ETV6: variants seen among roughly 807,000 people sequenced by gnomAD.
ETV6 encodes the protein ETS variant transcription factor 6, also known as transcription factor ETV6.
Under a neutral mutation model 51.1 loss-of-function variants are expected in ETV6, and 16 were observed. That is an observed-to-expected ratio of 0.31 (90% confidence interval 0.21 to 0.48). The LOEUF is 0.48. Among genes scored for constraint, ETV6 ranks in the 20% least tolerant of loss-of-function variants. ETV6 has a pLI of 0.99. For synonymous variants in ETV6, 240 were observed against 224.1 expected, an observed-to-expected ratio of 1.07 and a Z score of -0.64; for missense variants, 458 against 594.8, an observed-to-expected ratio of 0.77 and a Z score of 2.39.
At chr12:11,836,060 T>A (rs1302749011) in intron 2 of ETV6, among the ~76,000 whole-genome samples, 130 of 152,204 alleles carry the variant, frequency 8.5e-4, no homozygotes, top group Non-Finnish European at 2.1e-4. Context: ...GCTTAGTAAA[T>A]GACTATTAAG....
chr12:11,853,709 T>C, intron 4 of ETV6, 148 bp downstream of exon 4: 1 of 902,430 alleles, frequency 1.1e-6, no homozygotes, highest in South Asian at 1.7e-5. Flanking sequence ...CAAAATACAC[T>C]CTTGGTTCCC....
At chr12:11,722,977 G>A (rs1463724215) in intron 1 of ETV6, among the ~76,000 whole-genome samples, 2 of 152,140 alleles carry the variant, frequency 1.3e-5, no homozygotes, top group East Asian at 1.9e-4. Flanking sequence ...AGAAGTTCCC[G>A]GTTCCAGGGA....
chr12:11,789,461 C>T (rs1348803586), intron 2 of ETV6, among the ~76,000 whole-genome samples: 33 of 152,174 alleles, frequency 2.2e-4, no homozygotes, highest in Admixed American at 2.1e-3. Flanking sequence ...CTACCTGCTT[C>T]GGTCTGGGCT....
chr12:11,890,775 G>C (rs1176670750), intron 7 of ETV6, among the ~76,000 whole-genome samples, 166 bp from the exon 8 acceptor site: 3 of 152,038 alleles, frequency 2.0e-5, no homozygotes, highest in African/African-American at 4.8e-5. Flanking sequence ...TCAGAGAAAG[G>C]AGTACCTTTT....
chr12:11,884,249 G>A (rs1947152733), intron 5 of ETV6, among the ~76,000 whole-genome samples, 196 bp from the exon 6 acceptor site: 1 of 152,172 alleles, frequency 6.6e-6, no homozygotes, highest in African/African-American at 2.4e-5. Context: ...CCTCCGGTGG[G>A]TCAAAGGTCA....
At chr12:11,797,230 C>T (rs138312811) in intron 2 of ETV6, among the ~76,000 whole-genome samples, 351 of 152,048 alleles carry the variant, frequency 2.3e-3, no homozygotes, top group African/African-American at 8.0e-3. Context: ...GCAATAGTCC[C>T]GGCACTGGGA....
chr12:11,719,876 C>T (rs554650046), intron 1 of ETV6, among the ~76,000 whole-genome samples: 4 of 152,316 alleles, frequency 2.6e-5, no homozygotes, highest in South Asian at 4.1e-4. Flanking sequence ...AGATAGGAAG[C>T]GGTCCTGTGG....
chr12:11,848,318 G>T (rs2283337), intron 3 of ETV6, among the ~76,000 whole-genome samples: 5 of 151,986 alleles, frequency 3.3e-5, no homozygotes, highest in African/African-American at 1.2e-4. Flanking sequence ...AGCTGACAAA[G>T]AGAGGAACAA....
intron 2 of ETV6, among the ~76,000 whole-genome samples, chr12:11,795,308 C>A (rs915689187): frequency 6.6e-6 from 1 of 152,238 alleles, no homozygotes; most frequent in Non-Finnish European, 1.5e-5. Flanking sequence ...TCTGTCAGTC[C>A]GCTGGTGGCC....
At chr12:11,751,380 T>C in intron 1 of ETV6, 1 of 519,056 alleles carries the variant, frequency 1.9e-6, no homozygotes, top group Non-Finnish European at 3.8e-6. Context: ...GGTCTTTCCT[T>C]TCCACCATAT....
chr12:11,875,954 C>T (rs1388312885), intron 5 of ETV6, among the ~76,000 whole-genome samples: 2 of 152,304 alleles, frequency 1.3e-5, no homozygotes, highest in East Asian at 3.9e-4. Flanking sequence ...TGGCCCTTTA[C>T]AGAAAACGTT....
At chr12:11,739,359 T>C (rs981102878) in intron 1 of ETV6, among the ~76,000 whole-genome samples, 1 of 152,220 alleles carries the variant, frequency 6.6e-6, no homozygotes, top group African/African-American at 2.4e-5. Context: ...CACTCATCCC[T>C]GTGAGGTGCT....
chr12:11,817,207 A>G lies in ETV6; in HGVS notation c.164-21933A>G, dbSNP rs1382034410. 2.0e-5 allele frequency among the ~76,000 whole-genome samples: 3 copies of G among 152,228 alleles called. 1 individual carries two copies. Among genetic ancestry groups the G allele is most frequent in the Non-Finnish European group, 1.5e-5 (1 of 68,040 alleles). On this transcript the variant is annotated intron_variant, in intron 2 of 7. Coordinates refer to ENST00000396373, the MANE Select transcript of ETV6 (RefSeq NM_001987.5). ...ATATCCACCCTCCAGAGCTGTTATG[A>G]AGATGAAATTGAAAGTGTCTCCAAC...
chr12:11,894,607 A>T lies in ETV6; in HGVS notation c.*3561A>T, dbSNP rs1389810100. ...ATACTGATCTCTTGTCCAAATGAGAATGTCGCTTTAGCTGAAATTCAAATG... is the reference window on the plus strand; with the variant it reads ...ATACTGATCTCTTGTCCAAATGAGATTGTCGCTTTAGCTGAAATTCAAATG... On this transcript the variant is annotated 3_prime_UTR_variant, in exon 8 of 8. Coordinates refer to ENST00000396373, the MANE Select transcript of ETV6 (RefSeq NM_001987.5). 1 of 233,162 alleles carries T rather than the reference A, an allele frequency of 4.3e-6. No homozygotes were observed. The highest frequency in any genetic ancestry group is 8.5e-6 in the Non-Finnish European group (1 of 118,044). 14.4% of individuals were successfully genotyped at this position (233,162 alleles called of 1,614,324 possible).
chr12:11,819,744 C>T (rs1946049048), intron 2 of ETV6, among the ~76,000 whole-genome samples: 1 of 152,216 alleles, frequency 6.6e-6, no homozygotes, highest in Non-Finnish European at 1.5e-5. Context: ...TTCAGCCCAT[C>T]CTTTCTCCAT....
chr12:11,885,748 A>G (rs1348476439), intron 6 of ETV6, among the ~76,000 whole-genome samples, 178 bp from the exon 7 acceptor site: 2 of 152,208 alleles, frequency 1.3e-5, no homozygotes, highest in South Asian at 2.1e-4. Context: ...TAAAAAGCTA[A>G]AGGGTGGGGA....
chr12:11,854,287 G>A (rs1287172541), intron 4 of ETV6, among the ~76,000 whole-genome samples: 2 of 152,140 alleles, frequency 1.3e-5, no homozygotes, highest in Admixed American at 6.6e-5. Context: ...GCAGTGGGGA[G>A]CAGCTCTAGA....
chr12:11,809,165 C>CA (rs11458715), intron 2 of ETV6, among the ~76,000 whole-genome samples: 70,383 of 132,076 alleles, frequency 0.53, 17,409 homozygotes, highest in East Asian at 0.61. Flanking sequence ...GACCCTGTGT[C>CA]AAAAAAAAAA....
chr12:11,789,384 G>A (rs147525460), intron 2 of ETV6, among the ~76,000 whole-genome samples: 15 of 152,100 alleles, frequency 9.9e-5, no homozygotes, highest in East Asian at 1.9e-4. Context: ...TAATTCATCC[G>A]CCCTGCCTCA....
Sources: allele counts gnomAD v4.1 joint callset (sites outside exome capture counted in the v4.1 genomes callset), GRCh38; gene constraint gnomAD v4.1.1; transcripts MANE v1.5; gene names NCBI Gene and HGNC (gene_info 2026-07-23, HGNC 2026-07-21).